The following ADGB variants were observed in gnomAD, a reference collection of about 807,000 sequenced individuals.
ADGB encodes the protein calpain-7-like protein.
Under a neutral mutation model 210.5 loss-of-function variants are expected in ADGB, and 172 were observed. That is an observed-to-expected ratio of 0.82 (90% CI 0.72 to 0.93). The LOEUF is 0.93. ADGB is among the 40% of genes least tolerant of loss of function. ADGB has a pLI of 0.00. For missense variants in ADGB, 2,025 were observed against 1,964.8 expected (o/e 1.03, Z -0.58); for synonymous variants, 658 against 662.7 (o/e 0.99, Z 0.11).
In ADGB at chr6:146,784,773, T is replaced by A; in HGVS notation, c.4191T>A (p.Thr1397=). 1 of 1,549,546 alleles carries A rather than the reference T, an allele frequency of 6.5e-7. No individual in the cohort carries two copies. The change falls in exon 31 of 36, where the codon ACT becomes ACA. Residue 1397 remains threonine, a synonymous_variant. Transcript: ENST00000397944. ...CCATGAAACAAGCCTGGGAGACAACTGAGCCAGGAAGAGCAATCAAGGTCA... is the reference window on the plus strand; with the variant it reads ...CCATGAAACAAGCCTGGGAGACAACAGAGCCAGGAAGAGCAATCAAGGTCA... ...IRAMKQAWET[T]EPGRAIKASQ...
intron 1 of ADGB, among the ~76,000 whole-genome samples, chr6:146,603,981 A>G (rs952233806): frequency 6.6e-6 from 1 of 152,138 alleles, no homozygotes; most frequent in Non-Finnish European, 1.5e-5. Context: ...CACATTAGGG[A>G]GGTGCTCTCT....
intron 1 of ADGB, among the ~76,000 whole-genome samples, chr6:146,609,264 T>C (rs1368104196): frequency 6.6e-6 from 1 of 152,186 alleles, no homozygotes; most frequent in Non-Finnish European, 1.5e-5. Context: ...TGGTTGTCAT[T>C]GCATGTGATA....
At chr6:146,665,411 TC>T (rs1775925420) in intron 6 of ADGB, among the ~76,000 whole-genome samples, 2 of 152,094 alleles carry the variant, frequency 1.3e-5, no homozygotes, top group South Asian at 4.1e-4. Flanking sequence ...GCAATGATTT[TC>T]ATAAAAACTC....
At chr6:146,804,582 G>T (rs1027411499) in intron 35 of ADGB, among the ~76,000 whole-genome samples, 1 of 151,988 alleles carries the variant, frequency 6.6e-6, no homozygotes, top group African/African-American at 2.4e-5. Flanking sequence ...CACTCCCCAC[G>T]TGCGATCAAT....
chr6:146,702,164 T>A (rs895212329), intron 13 of ADGB, among the ~76,000 whole-genome samples: 1 of 151,898 alleles, frequency 6.6e-6, no homozygotes, highest in Non-Finnish European at 1.5e-5. Flanking sequence ...TTCTAGGATA[T>A]GAATCTAGGA....
intron 20 of ADGB, 118 bp from the exon 21 acceptor site, chr6:146,733,002 C>T (rs1022116918): frequency 4.8e-5 from 36 of 745,094 alleles, no homozygotes; most frequent in East Asian, 3.4e-4. Context: ...TGTTAGGTTG[C>T]GTGTACATCT....
intron 1 of ADGB, among the ~76,000 whole-genome samples, chr6:146,612,611 C>T (rs1020437555): frequency 3.9e-5 from 6 of 152,194 alleles, no homozygotes; most frequent in African/African-American, 1.4e-4. Context: ...GGTAGAACCA[C>T]TTGAGAAAAC....
chr6:146,775,254 G>T (rs993259073), intron 29 of ADGB, among the ~76,000 whole-genome samples: 1 of 151,994 alleles, frequency 6.6e-6, no homozygotes, highest in Non-Finnish European at 1.5e-5. Flanking sequence ...TATGTAATTT[G>T]TGGGGTTTTT....
At chr6:146,670,659 T>A (rs1251733959) in intron 7 of ADGB, among the ~76,000 whole-genome samples, 2 of 152,180 alleles carry the variant, frequency 1.3e-5, no homozygotes, top group African/African-American at 4.8e-5. Flanking sequence ...CTGTTGTTAT[T>A]CTCTGTCTCT....
chr6:146,730,077 A>T (rs192332993), intron 20 of ADGB, among the ~76,000 whole-genome samples: 3 of 152,188 alleles, frequency 2.0e-5, no homozygotes, highest in African/African-American at 7.2e-5. Flanking sequence ...TAAACAAACC[A>T]TATGTGCAAT....
Position 146,706,239 on chromosome 6 carries a change from GT to G in ADGB, c.1707+5179del, listed in dbSNP as rs1365334028. Among the ~76,000 whole-genome samples the G allele has an allele frequency of 2.7e-4, 39 of 146,096 alleles. No homozygotes were observed. The South Asian group carries it at 5.1e-3, about 19-fold the overall frequency. On this transcript the variant is annotated intron_variant, in intron 13 of 35. Transcript: ENST00000397944. ...CCTGGCCAACATGGGACAGTTTTTT[GT>G]TTTTTTTTTCTTTTCTTTTTCTTTT...
intron 7 of ADGB, among the ~76,000 whole-genome samples, chr6:146,667,185 G>A (rs1272671895): frequency 2.0e-5 from 3 of 151,968 alleles, no homozygotes; most frequent in African/African-American, 7.2e-5. Context: ...TTATTACCAT[G>A]TGGATTTCCA....
chr6:146,635,686 A>G (rs1258313008), intron 2 of ADGB, 149 bp downstream of exon 2: 3 of 774,794 alleles, frequency 3.9e-6, no homozygotes, highest in Non-Finnish European at 5.7e-6. Flanking sequence ...CCACCTCCCA[A>G]CACTCCCACT....
intron 3 of ADGB, among the ~76,000 whole-genome samples, chr6:146,648,545 G>A (rs1399513511): frequency 6.6e-6 from 1 of 152,046 alleles, no homozygotes; most frequent in African/African-American, 2.4e-5. Flanking sequence ...ACAGGAGAGA[G>A]GGAGAGTAAA....
At chr6:146,627,030 T>C (rs976047621) in intron 1 of ADGB, among the ~76,000 whole-genome samples, 2 of 152,080 alleles carry the variant, frequency 1.3e-5, no homozygotes, top group African/African-American at 4.8e-5. Flanking sequence ...TCTTGTTGTG[T>C]GTTTTCTTTC....
chr6:146,704,597 A>T (rs1201219740), intron 13 of ADGB, among the ~76,000 whole-genome samples: 2 of 151,824 alleles, frequency 1.3e-5, no homozygotes, highest in Non-Finnish European at 2.9e-5. Flanking sequence ...ATCTTTTTCG[A>T]CCATAATAGT....
Position 146,740,499 on chromosome 6 carries a change from C to T in ADGB, c.2929C>T (p.Pro977Ser), listed in dbSNP as rs1241318536. 3 of 1,547,844 alleles carry T rather than the reference C, an allele frequency of 1.9e-6. No individual in the cohort carries two copies. The highest frequency in any genetic ancestry group is 2.5e-5 in the East Asian group (1 of 40,788). ...KSKCKSLESYPCYQDEETKIA... is the reference protein window; with the variant it reads ...KSKCKSLESYSCYQDEETKIA... ...CAAGTGCAAGTCTTTGGAATCTTAT[C>T]CATGCTATCAAGATGAAGAAACTAA... Residue 977 changes from proline (P) to serine (S), a missense_variant, in exon 24 of 36, where the codon CCA becomes TCA. Physicochemically the swap from Pro to Ser is moderately conservative, Grantham distance 74. Transcript: ENST00000397944.
intron 30 of ADGB, 76 bp downstream of exon 30, chr6:146,782,268 T>G: frequency 7.4e-7 from 1 of 1,348,000 alleles, no homozygotes; most frequent in Non-Finnish European, 9.8e-7. Context: ...CTATCTCGTC[T>G]GAGGACAAAA....
chr6:146,672,219 G>T lies in ADGB; in HGVS notation c.840-1G>T. ...ATTAATGTTTTTGTCTTTTCTCTTA[G>T]CCCGGGATATATGGACAAAGTTTGG... On this transcript the variant is annotated splice_acceptor_variant, in intron 7 of 35. Transcript: ENST00000397944. LOFTEE classifies it high-confidence loss of function. The T allele has an allele frequency of 6.7e-7, 1 of 1,490,524 alleles. No individual in the cohort carries two copies. Among genetic ancestry groups the T allele is most frequent in the Non-Finnish European group, 8.9e-7 (1 of 1,118,182 alleles). 92.3% of individuals were successfully genotyped at this position (1,490,524 alleles called of 1,614,324 possible).
Sources: allele counts gnomAD v4.1 joint callset (sites outside exome capture counted in the v4.1 genomes callset), GRCh38; gene constraint gnomAD v4.1.1; transcripts MANE v1.5; gene names NCBI Gene and HGNC (gene_info 2026-07-23, HGNC 2026-07-21).